The following ZNF544 variants were observed in gnomAD, a reference collection of about 807,000 sequenced individuals.
ZNF544 encodes zinc finger protein AF020591.
In ZNF544, 10 loss-of-function variants were observed where a neutral mutation model predicts 13.5. The ratio of observed to expected loss-of-function variants is 0.74; its 90% CI spans 0.46 to 1.25. ZNF544 has a LOEUF of 1.25. Among genes scored for constraint, ZNF544 ranks in the 50% most tolerant of loss-of-function variants. The probability of loss-of-function intolerance (pLI) is 0.00; values close to 1 mark genes in which losing one functional copy is unlikely to be tolerated. For synonymous variants in ZNF544, 323 were observed against 300.5 expected, an observed-to-expected ratio of 1.07 and a Z score of -0.77; for missense variants, 896 against 845.6, an observed-to-expected ratio of 1.06 and a Z score of -0.74.
chr19:58,239,682 C>T (rs1056069635), intron 3 of ZNF544, among the ~76,000 whole-genome samples: 18 of 152,254 alleles, frequency 1.2e-4, no homozygotes, highest in South Asian at 2.1e-4. Context: ...GCGGATCGCC[C>T]GAGGTCAGGA....
chr19:58,273,544 G>C (rs1332644410), intron 5 of ZNF544, among the ~76,000 whole-genome samples: 3 of 151,952 alleles, frequency 2.0e-5, no homozygotes, highest in Middle Eastern at 3.4e-3. Flanking sequence ...CAAAAAATTA[G>C]CCGGGCGTGG....
intron 4 of ZNF544, among the ~76,000 whole-genome samples, chr19:58,245,503 T>C (rs9676487): frequency 0.075 from 11,450 of 151,776 alleles, 883 homozygotes; most frequent in African/African-American, 0.19. Flanking sequence ...GGTTTCACCA[T>C]GTTGGCCAGG....
Position 58,246,425 on chromosome 19 carries a change from T to C in ZNF544, c.158T>C (p.Leu53Pro). 2 of 1,613,954 alleles carry C rather than the reference T, an allele frequency of 1.2e-6. No homozygotes were observed. Among genetic ancestry groups the C allele is most frequent in the Non-Finnish European group, 1.7e-6 (2 of 1,179,930 alleles). ...TLETWEHIVS[L>P]GLFLSKSDVI... Reference sequence around the variant, plus strand: ...GAGACCTGGGAGCATATTGTCTCCCTGGGTAAGTGGCTGTGCTCATGGAAG... The same window carrying C: ...GAGACCTGGGAGCATATTGTCTCCCCGGGTAAGTGGCTGTGCTCATGGAAG... Residue 53 changes from leucine to proline, a missense_variant and splice_region_variant, in exon 5 of 7, where the codon CTG (leucine) becomes CCG (proline). By Grantham distance (98) the Leu-to-Pro change is moderately conservative. Coordinates refer to ENST00000687789, the MANE Select transcript of ZNF544 (RefSeq NM_014480.4).
At chr19:58,244,084 C>T (rs376882436) in intron 4 of ZNF544, 28 bp downstream of exon 4, 1 of 1,589,832 alleles carries the variant, frequency 6.3e-7, no homozygotes, top group African/African-American at 1.3e-5. Context: ...GCTCTCAGTG[C>T]CTTGGTCTCC....
At chr19:58,232,334 A>C (rs1008856838) in intron 3 of ZNF544, among the ~76,000 whole-genome samples, 2 of 148,878 alleles carry the variant, frequency 1.3e-5, no homozygotes, top group Admixed American at 7.0e-5. Context: ...AACAGCATTA[A>C]GACAATTTTA....
In ZNF544 at chr19:58,236,232, G is replaced by A. The variant is rs565298760; in HGVS notation, c.-60+5770G>A. On this transcript the variant is annotated intron_variant, in intron 3 of 6. Coordinates refer to ENST00000687789, the MANE Select transcript of ZNF544 (RefSeq NM_014480.4). ...TTTGAAAACAGAAACAGCCAGGCAC[G>A]GTGACTCACGCAATGCTAGCACTTT... Among the ~76,000 whole-genome samples, 4 of 151,788 alleles carry A rather than the reference G, an allele frequency of 2.6e-5. No homozygotes were observed. The South Asian group carries it at 6.3e-4, about 24-fold the overall frequency.
At chr19:58,272,259 G>A (rs2050726528) in intron 5 of ZNF544, among the ~76,000 whole-genome samples, 1 of 152,016 alleles carries the variant, frequency 6.6e-6, no homozygotes, top group Non-Finnish European at 1.5e-5. Flanking sequence ...AGGTTCCTTG[G>A]CTTCCTAGAA....
At position 58,262,994 on chromosome 19, in the gene ZNF544, T is replaced by C. The variant is rs1302508302; in HGVS notation, c.*240T>C. 7.6e-7 allele frequency: 1 copy of C among 1,312,050 alleles called. No individual in the cohort carries two copies. Among genetic ancestry groups the C allele is most frequent in the Non-Finnish European group, 9.7e-7 (1 of 1,029,814 alleles). The allele number at this position is 1,312,050 out of a possible 1,614,324, so 81.3% of individuals were successfully genotyped here. A position where few individuals can be genotyped will look rare whatever the true frequency, so the allele number is the denominator to read the frequency against. ...GAGGACACACACTGGAGGCAAACCC[T>C]ATGAATGTGACCATTGCGAGAAAGC... On this transcript the variant is annotated 3_prime_UTR_variant, in exon 7 of 7. Transcript: ENST00000687789.
Position 58,262,210 on chromosome 19 carries a change from T to A in ZNF544, c.1604T>A (p.Leu535His). The change falls in exon 7 of 7, where the codon CTT becomes CAT. Residue 535 changes from leucine (L) to histidine (H), a missense_variant. Transcript: ENST00000687789. ...AAATCCTTCTCCCAGAGTTCCAAAC[T>A]TATTACGCATCAGCGAATTCACACT... ...CGKSFSQSSK[L>H]ITHQRIHTGE... The A allele has an allele frequency of 6.2e-7, 1 of 1,613,856 alleles. No homozygotes were observed. Among genetic ancestry groups the A allele is most frequent in the Non-Finnish European group, 8.5e-7 (1 of 1,179,968 alleles).
intron 3 of ZNF544, among the ~76,000 whole-genome samples, chr19:58,238,399 A>G (rs1652235967): frequency 6.6e-6 from 1 of 152,164 alleles, no homozygotes; most frequent in African/African-American, 2.4e-5. Context: ...GCAGGACCCC[A>G]TCAAACCCAC....
intron 6 of ZNF544, among the ~76,000 whole-genome samples, chr19:58,255,761 C>T (rs904069799): frequency 4.6e-5 from 7 of 152,180 alleles, no homozygotes; most frequent in African/African-American, 1.2e-4. Flanking sequence ...GATGAGCTGC[C>T]GCTGCCAGTT....
chr19:58,270,292 C>CCTAGGTAT (rs1276507892), intron 5 of ZNF544, among the ~76,000 whole-genome samples: 1 of 150,446 alleles, frequency 6.6e-6, no homozygotes, highest in Non-Finnish European at 1.5e-5. Flanking sequence ...TGACGTGAAC[C>CCTAGGTAT]CTAGGTATTG....
intron 6 of ZNF544, among the ~76,000 whole-genome samples, chr19:58,248,774 G>GCTT (rs1426075518): frequency 1.3e-5 from 2 of 152,156 alleles, no homozygotes; most frequent in African/African-American, 4.8e-5. Context: ...AGCAAAAAAA[G>GCTT]CATAGATTTA....
downstream of ZNF544, among the ~76,000 whole-genome samples, chr19:58,268,592 C>T (rs1241974465): frequency 2.0e-5 from 3 of 152,234 alleles, no homozygotes; most frequent in African/African-American, 7.2e-5. Flanking sequence ...ATTCCTTAGG[C>T]AGTTTGTCCC....
At chr19:58,250,061 A>G (rs2046040651) in intron 6 of ZNF544, among the ~76,000 whole-genome samples, 1 of 152,246 alleles carries the variant, frequency 6.6e-6, no homozygotes, top group South Asian at 2.1e-4. Flanking sequence ...CAGGCTAAAT[A>G]AACAAGTGTA....
chr19:58,243,414 A>G (rs530681136), intron 3 of ZNF544, among the ~76,000 whole-genome samples: 1 of 151,490 alleles, frequency 6.6e-6, no homozygotes, highest in South Asian at 2.1e-4. Context: ...GGATTAGACA[A>G]GCAGAAGATA....
At chr19:58,243,349 T>C (rs1236571822) in intron 3 of ZNF544, among the ~76,000 whole-genome samples, 1 of 151,590 alleles carries the variant, frequency 6.6e-6, no homozygotes, top group African/African-American at 2.4e-5. Flanking sequence ...TGGTGCCACA[T>C]TCAAGAGGGT....
intron 1 of ZNF544, 133 bp from the exon 2 acceptor site, chr19:58,229,335 G>C (rs1026796288): frequency 6.6e-6 from 1 of 151,998 alleles, no homozygotes; most frequent in African/African-American, 2.4e-5. Flanking sequence ...CCTCCCGACA[G>C]AGGGTGCCTG....
chr19:58,235,395 AC>A (rs1409839119), intron 3 of ZNF544, among the ~76,000 whole-genome samples: 3 of 152,210 alleles, frequency 2.0e-5, no homozygotes, highest in Non-Finnish European at 4.4e-5. Context: ...TCTGTCACTG[AC>A]CAGAACGTCA....
Sources: allele counts gnomAD v4.1 joint callset (sites outside exome capture counted in the v4.1 genomes callset), GRCh38; gene constraint gnomAD v4.1.1; transcripts MANE v1.5; gene names NCBI Gene and HGNC (gene_info 2026-07-23, HGNC 2026-07-21).